The following SLCO2A1 variants were observed in gnomAD, a reference collection of about 807,000 sequenced individuals.
SLCO2A1 encodes solute carrier organic anion transporter family member 2A1, also known as matrin F/G 1.
A neutral mutation model predicts 71.7 loss-of-function variants in SLCO2A1; 60 were observed. That is an observed-to-expected ratio of 0.84 (90% CI 0.68 to 1.04). The LOEUF (loss-of-function observed/expected upper bound fraction) is 1.04. Among genes scored for constraint, SLCO2A1 ranks in the 50% least tolerant of loss-of-function variants. SLCO2A1 has a pLI of 0.00. For synonymous variants in SLCO2A1, 308 were observed against 326.7 expected (o/e 0.94, Z 0.62); for missense variants, 745 against 813.4 (o/e 0.92, Z 1.02).
chr3:133,969,049 T>A (rs947168724), intron 3 of SLCO2A1, among the ~76,000 whole-genome samples: 7 of 152,220 alleles, frequency 4.6e-5, no homozygotes, highest in African/African-American at 1.7e-4. Flanking sequence ...GGAGCAGCTT[T>A]ACTCCAAGAG....
Position 133,938,387 on chromosome 3 carries a change from G to T in SLCO2A1, c.1690+42C>A, listed in dbSNP as rs370831558. ...ACCCATAGCCTTCAGATGCCCCATC[G>T]CCTGGGGCCACTTCTTGGGAAGAGG... On this transcript the variant is annotated intron_variant, in intron 12 of 13. Transcript: ENST00000310926. The T allele has an allele frequency of 5.4e-5, 84 of 1,556,092 alleles. 3 individuals carry two copies. Among genetic ancestry groups the T allele is most frequent in the African/African-American group, 2.0e-4 (15 of 73,946 alleles).
At chr3:133,985,488 A>ACTTTT (rs1934693037) in intron 1 of SLCO2A1, among the ~76,000 whole-genome samples, 2 of 152,232 alleles carry the variant, frequency 1.3e-5, no homozygotes, top group African/African-American at 4.8e-5. Context: ...ACAAAAGGAA[A>ACTTTT]AGAAAATGAA....
chr3:133,979,746 C>T (rs1934544096), intron 1 of SLCO2A1, 128 bp from the exon 2 acceptor site: 1 of 954,934 alleles, frequency 1.0e-6, no homozygotes, highest in South Asian at 1.7e-5. Flanking sequence ...CAGTTACTTC[C>T]CAGGGTCTCC....
rs772158052 is a variant in SLCO2A1, at chr3:133,951,284, A to G, written c.785T>C (p.Leu262Pro). ...RWIGAWWLGL[L>P]ISSALLVLTS... ...GAGAACCAATAAAGCTGAAGAAATG[A>G]GCAGGCCTAGCCACCAGGCTCCAAT... The change falls in exon 6 of 14, where the codon CTC (leucine) becomes CCC (proline). Residue 262 changes from leucine (L) to proline (P), a missense_variant. Coordinates refer to ENST00000310926, the MANE Select transcript of SLCO2A1 (RefSeq NM_005630.3). 1.9e-6 allele frequency: 3 copies of G among 1,614,200 alleles called. No homozygotes were observed. Among genetic ancestry groups the G allele is most frequent in the Non-Finnish European group, 1.7e-6 (2 of 1,180,038 alleles).
intron 1 of SLCO2A1, among the ~76,000 whole-genome samples, chr3:134,013,943 C>T (rs1007226728): frequency 3.9e-5 from 6 of 152,070 alleles, no homozygotes; most frequent in Admixed American, 3.9e-4. Context: ...TCATTCCCTT[C>T]TAGAATTCAG....
chr3:133,934,690 C>T lies in SLCO2A1; in HGVS notation c.*23G>A. On this transcript the variant is annotated 3_prime_UTR_variant, in exon 14 of 14. Coordinates refer to ENST00000310926, the MANE Select transcript of SLCO2A1 (RefSeq NM_005630.3). ...AAGAGTCAAGGTCCACTCTCTGGAG[C>T]AGGGCAGTGGCCCAGGGTGGGGTCA... is the stretch of plus-strand genomic sequence containing the variant. 7 of 1,531,652 alleles carry T rather than the reference C, an allele frequency of 4.6e-6. No individual in the cohort carries two copies. The highest frequency in any genetic ancestry group is 1.1e-5 in the South Asian group (1 of 89,372). The allele number at this position is 1,531,652 out of a possible 1,614,324, so 94.9% of individuals were successfully genotyped here.
intron 11 of SLCO2A1, among the ~76,000 whole-genome samples, chr3:133,941,297 A>G (rs564957843): frequency 1.3e-5 from 2 of 152,314 alleles, no homozygotes; most frequent in South Asian, 2.1e-4. Context: ...TTTGATTAAT[A>G]GTGATAATTA....
intron 1 of SLCO2A1, among the ~76,000 whole-genome samples, chr3:134,019,676 A>G (rs1576462220): frequency 6.6e-6 from 1 of 152,264 alleles, no homozygotes; most frequent in East Asian, 1.9e-4. Flanking sequence ...AAGGTGAGAA[A>G]TGCTTCCCTG....
intron 1 of SLCO2A1, among the ~76,000 whole-genome samples, chr3:133,985,661 A>T (rs1344430472): frequency 6.6e-6 from 1 of 152,208 alleles, no homozygotes; most frequent in Non-Finnish European, 1.5e-5. Context: ...CAGAATATAG[A>T]CTTCATGGTG....
chr3:133,967,792 T>G (rs1934217000), intron 3 of SLCO2A1, among the ~76,000 whole-genome samples: 1 of 136,792 alleles, frequency 7.3e-6, no homozygotes, highest in East Asian at 2.4e-4. Flanking sequence ...CCACCCCACA[T>G]GCTTCCCTTC....
At chr3:133,967,104 C>T (rs1233020022) in intron 3 of SLCO2A1, among the ~76,000 whole-genome samples, 8 of 152,198 alleles carry the variant, frequency 5.3e-5, no homozygotes, top group African/African-American at 9.6e-5. Flanking sequence ...CCTGGAGAAG[C>T]GACTCTCAGC....
At chr3:134,003,436 A>T (rs2108070992) in intron 1 of SLCO2A1, among the ~76,000 whole-genome samples, 1 of 152,286 alleles carries the variant, frequency 6.6e-6, no homozygotes, top group South Asian at 2.1e-4. Context: ...CTCTGGCAGA[A>T]TTTGTGTATA....
chr3:133,936,032 ACT>A, intron 12 of SLCO2A1, 135 bp from the exon 13 acceptor site: 1 of 910,674 alleles, frequency 1.1e-6, no homozygotes, highest in Non-Finnish European at 1.5e-6. Context: ...ACTCACAGTG[ACT>A]CTGGAAAGCA....
At chr3:133,945,345 CTGG>C in intron 9 of SLCO2A1, 85 bp from the exon 10 acceptor site, 1 of 1,317,312 alleles carries the variant, frequency 7.6e-7, no homozygotes. Flanking sequence ...AGTTCCTGGC[CTGG>C]TGAGTGTGTC....
At chr3:134,007,396 T>C (rs61444996) in intron 1 of SLCO2A1, among the ~76,000 whole-genome samples, 2,976 of 152,320 alleles carry the variant, frequency 0.02, 102 homozygotes, top group African/African-American at 0.068. Context: ...CCTTGCCAAA[T>C]CCAATGGTAT....
In SLCO2A1 at chr3:133,947,373, G is replaced by A; in HGVS notation, c.1178C>T (p.Ser393Phe). The change falls in exon 9 of 14, where the codon TCT becomes TTT. Residue 393 changes from serine (S) to phenylalanine (F), a missense_variant. Ser to Phe is a radical substitution (Grantham distance 155). Transcript: ENST00000310926. The part of the protein sequence containing the change: ...GGILMKRFVF[S>F]LQAIPRIATT... Reference sequence around the variant, plus strand: ...AGCTATGCGGGGAATGGCTTGTAGAGAGAAAACAAAGCGCTTCATGAGGAT... The same window carrying A: ...AGCTATGCGGGGAATGGCTTGTAGAAAGAAAACAAAGCGCTTCATGAGGAT... The A allele has an allele frequency of 1.2e-6, 2 of 1,614,088 alleles. No individual in the cohort carries two copies. Among genetic ancestry groups the A allele is most frequent in the South Asian group, 1.1e-5 (1 of 91,078 alleles).
intron 12 of SLCO2A1, among the ~76,000 whole-genome samples, chr3:133,937,556 C>G (rs1295166283): frequency 6.6e-6 from 1 of 152,200 alleles, no homozygotes; most frequent in African/African-American, 2.4e-5. Flanking sequence ...CGGTGTTGAC[C>G]TGGCCCCTGG....
intron 1 of SLCO2A1, among the ~76,000 whole-genome samples, chr3:133,980,527 T>C (rs1437677012): frequency 6.6e-6 from 1 of 151,986 alleles, no homozygotes; most frequent in Non-Finnish European, 1.5e-5. Flanking sequence ...GAGCCAGGAG[T>C]CCTATTCTCA....
intron 12 of SLCO2A1, among the ~76,000 whole-genome samples, chr3:133,936,247 G>A (rs918043069): frequency 6.6e-6 from 1 of 152,126 alleles, no homozygotes; most frequent in Non-Finnish European, 1.5e-5. Context: ...TCCAGGCATC[G>A]ACTTCTCAGG....
Sources: allele counts gnomAD v4.1 joint callset (sites outside exome capture counted in the v4.1 genomes callset), GRCh38; gene constraint gnomAD v4.1.1; transcripts MANE v1.5; gene names NCBI Gene and HGNC (gene_info 2026-07-23, HGNC 2026-07-21).